SDE2: variants seen among roughly 807,000 people sequenced by gnomAD.
The protein encoded by SDE2 is splicing regulator SDE2.
SDE2 carries 31 observed loss-of-function variants against 46.9 expected under a neutral mutation model. The ratio of observed to expected loss-of-function variants is 0.66; its 90% CI spans 0.50 to 0.89. The LOEUF is 0.89. SDE2 is among the 40% of genes least tolerant of loss of function. The pLI, the probability that SDE2 is intolerant of heterozygous loss-of-function variation, is 0.00. For synonymous variants in SDE2, 205 were observed against 204.3 expected (o/e 1.00, Z -0.03); for missense variants, 542 against 564.4 (o/e 0.96, Z 0.40).
At chr1:225,986,736 T>G (rs1332990208) in intron 6 of SDE2, among the ~76,000 whole-genome samples, 1 of 152,228 alleles carries the variant, frequency 6.6e-6, no homozygotes, top group Non-Finnish European at 1.5e-5. Context: ...CTCTTACCTG[T>G]ATACACATAA....
Position 225,988,127 on chromosome 1 carries a change from CA to C in SDE2, c.902del (p.Leu301ArgfsTer30). On this transcript the variant is annotated frameshift_variant, in exon 6 of 7. Coordinates refer to ENST00000272091, the MANE Select transcript of SDE2 (RefSeq NM_152608.4). LOFTEE classifies it high-confidence loss of function. ...RHILEDSCAE[L>X]GESKEHMESR... ...TTTCCATGTGCTCTTTGGACTCCCCCAGCTCAGCACATGAGTCTTCTAAAAT... is the reference window on the plus strand; with the variant it reads ...TTTCCATGTGCTCTTTGGACTCCCCCGCTCAGCACATGAGTCTTCTAAAAT... 1 of 1,614,200 alleles carries C rather than the reference CA, an allele frequency of 6.2e-7. No homozygotes were observed. Among genetic ancestry groups the C allele is most frequent in the Non-Finnish European group, 8.5e-7 (1 of 1,180,026 alleles).
chr1:225,989,833 T>A (rs1656356907), intron 5 of SDE2, among the ~76,000 whole-genome samples: 1 of 151,994 alleles, frequency 6.6e-6, no homozygotes, highest in African/African-American at 2.4e-5. Context: ...CCCAGCACTT[T>A]GCGAGGCTGA....
intron 3 of SDE2, 110 bp from the exon 4 acceptor site, chr1:225,992,677 C>T: frequency 1.3e-6 from 1 of 773,542 alleles, no homozygotes; most frequent in South Asian, 1.7e-5. Context: ...GTGATATTCT[C>T]TTAGAAAGGT....
In SDE2 at chr1:225,999,181, C is replaced by G. The variant is rs375745106; in HGVS notation, c.120+12G>C. 2 of 1,607,600 alleles carry G rather than the reference C, an allele frequency of 1.2e-6. No homozygotes were observed. Among genetic ancestry groups the G allele is most frequent in the Admixed American group, 1.7e-5 (1 of 59,702 alleles). ...CCTCTTTCTCCTTCCTAACAGGAAC[C>G]GAAATCCTCACCTGATCTTGGCAGT... is the stretch of plus-strand genomic sequence containing the variant. On this transcript the variant is annotated intron_variant, in intron 1 of 6. Coordinates refer to ENST00000272091, the MANE Select transcript of SDE2 (RefSeq NM_152608.4).
Position 225,983,171 on chromosome 1 carries a change from T to C in SDE2, c.*2131A>G, listed in dbSNP as rs1656191125. 1 of 152,218 alleles carries C rather than the reference T, an allele frequency of 6.6e-6. No individual in the cohort carries two copies. Among genetic ancestry groups the C allele is most frequent in the Non-Finnish European group, 1.5e-5 (1 of 68,036 alleles). The allele number at this position is 152,218 out of a possible 1,614,324, so 9.4% of individuals were successfully genotyped here. A position where few individuals can be genotyped will look rare whatever the true frequency, so the allele number is the denominator to read the frequency against. Reference sequence around the variant, plus strand: ...TGTTGTTTAAAGAAACTACTTTAAATAGGCACAGAAGCACAAAGTAAATTA... The same window carrying C: ...TGTTGTTTAAAGAAACTACTTTAAACAGGCACAGAAGCACAAAGTAAATTA... On this transcript the variant is annotated 3_prime_UTR_variant, in exon 7 of 7. Coordinates refer to ENST00000272091, the MANE Select transcript of SDE2 (RefSeq NM_152608.4).
At position 225,988,384 on chromosome 1, in the gene SDE2, C is replaced by A. The variant is rs771492535; in HGVS notation, c.646G>T (p.Gly216Cys). 6 of 1,613,580 alleles carry A rather than the reference C, an allele frequency of 3.7e-6. No homozygotes were observed. Among genetic ancestry groups the A allele is most frequent in the Non-Finnish European group, 4.2e-6 (5 of 1,179,568 alleles). The change falls in exon 6 of 7, where the codon GGC becomes TGC. Residue 216 changes from glycine to cysteine, a missense_variant. Gly to Cys is a radical substitution (Grantham distance 159, BLOSUM62 -3). Coordinates refer to ENST00000272091, the MANE Select transcript of SDE2 (RefSeq NM_152608.4). ...SAGKRRCFWL[G>C]MEGLETAEGS... ...TCTGCAGTCTCTAGTCCCTCCATGC[C>A]CAACCTGTCAGAAGCAACAGAAAGG...
chr1:225,993,115 CTT>C (rs566799394), intron 2 of SDE2, 113 bp from the exon 3 acceptor site: 402 of 250,462 alleles, frequency 1.6e-3, no homozygotes, highest in South Asian at 3.5e-3. Flanking sequence ...TACTTTCTTT[CTT>C]TTTTTTTTTT....
intron 1 of SDE2, among the ~76,000 whole-genome samples, chr1:225,996,637 C>T (rs1365908745): frequency 1.3e-5 from 2 of 152,190 alleles, no homozygotes; most frequent in Non-Finnish European, 2.9e-5. Flanking sequence ...CTAAGGCTAT[C>T]AGAGATAAAC....
chr1:225,999,141 G>A, intron 1 of SDE2, 52 bp downstream of exon 1: 2 of 1,491,078 alleles, frequency 1.3e-6, no homozygotes, highest in Non-Finnish European at 9.3e-7. Context: ...CGCACCCAGC[G>A]CTGCCACCTG....
chr1:225,992,917 T>C lies in SDE2; in HGVS notation c.324A>G (p.Arg108=), dbSNP rs752069261. The part of the protein sequence containing the change: ...REACRDLSGR[R]LRDVNHEKAM... ...CTTTTTCATGATTGACATCGCGTAG[T>C]CTCCTTCCACTGAGATCCCGACAAG... Residue 108 remains arginine, a synonymous_variant, in exon 3 of 7, where the codon AGA becomes AGG. Transcript: ENST00000272091. 54 of 1,611,394 alleles carry C rather than the reference T, an allele frequency of 3.4e-5. No homozygotes were observed. The highest frequency in any genetic ancestry group is 4.6e-5 in the Non-Finnish European group (54 of 1,177,686).
chr1:225,988,399 C>G lies in SDE2; in HGVS notation c.642-11G>C, dbSNP rs776112849. 1.2e-6 allele frequency: 2 copies of G among 1,613,090 alleles called. No homozygotes were observed. The highest frequency in any genetic ancestry group is 1.7e-6 in the Non-Finnish European group (2 of 1,179,250). ...CCCTCCATGCCCAACCTGTCAGAAG[C>G]AACAGAAAGGTTTAACAGCGTTTGT... On this transcript the variant is annotated splice_polypyrimidine_tract_variant and intron_variant, in intron 5 of 6. Transcript: ENST00000272091.
intron 5 of SDE2, among the ~76,000 whole-genome samples, chr1:225,988,723 C>A (rs759485538): frequency 2.6e-5 from 4 of 151,828 alleles, no homozygotes; most frequent in Non-Finnish European, 5.9e-5. Flanking sequence ...AGTGAGACTC[C>A]GTCTCAAAAA....
intron 5 of SDE2, among the ~76,000 whole-genome samples, chr1:225,989,832 T>A (rs1442678398): frequency 6.6e-6 from 1 of 152,004 alleles, no homozygotes; most frequent in African/African-American, 2.4e-5. Context: ...TCCCAGCACT[T>A]TGCGAGGCTG....
rs769952112 is a variant in SDE2 at position 225,983,257 on chromosome 1, A to G, written c.*2045T>C. On this transcript the variant is annotated 3_prime_UTR_variant, in exon 7 of 7. Transcript: ENST00000272091. ...AGAAGGCTGCAGTGGCTATATTCAC[A>G]TAAGATAAAGTAGATTTCAAACCCA... 9.9e-5 allele frequency: 15 copies of G among 152,226 alleles called. No individual in the cohort carries two copies. The highest frequency in any genetic ancestry group is 1.9e-4 in the Non-Finnish European group (13 of 68,040). 9.4% of individuals were successfully genotyped at this position (152,226 alleles called of 1,614,324 possible).
intron 5 of SDE2, among the ~76,000 whole-genome samples, chr1:225,990,192 T>G (rs1275803034): frequency 1.3e-5 from 2 of 151,968 alleles, no homozygotes; most frequent in African/African-American, 2.4e-5. Context: ...TGTGGTACAT[T>G]CACACCATGA....
intron 5 of SDE2, among the ~76,000 whole-genome samples, chr1:225,988,927 C>T (rs1656330144): frequency 6.6e-6 from 1 of 152,182 alleles, no homozygotes; most frequent in Non-Finnish European, 1.5e-5. Flanking sequence ...TCCTGAATCT[C>T]TAAAAGCAAA....
At chr1:225,997,061 A>G (rs536655436) in intron 1 of SDE2, among the ~76,000 whole-genome samples, 1 of 152,236 alleles carries the variant, frequency 6.6e-6, no homozygotes, top group Non-Finnish European at 1.5e-5. Context: ...TTCTCAGTGA[A>G]TAAGAAAGCA....
At chr1:225,996,406 T>C (rs1656527250) in intron 1 of SDE2, among the ~76,000 whole-genome samples, 1 of 152,190 alleles carries the variant, frequency 6.6e-6, no homozygotes, top group Non-Finnish European at 1.5e-5. Flanking sequence ...GCAGAAAGTA[T>C]ACACCATGAA....
intron 5 of SDE2, among the ~76,000 whole-genome samples, 179 bp from the exon 6 acceptor site, chr1:225,988,567 A>G (rs1656323410): frequency 6.6e-6 from 1 of 152,122 alleles, no homozygotes; most frequent in Non-Finnish European, 1.5e-5. Flanking sequence ...CATCTCTACT[A>G]AAAATACAAA....
Sources: gnomAD v4.1 joint callset for allele counts (sites outside exome capture counted in the v4.1 genomes callset) on GRCh38, gnomAD v4.1.1 for gene constraint, MANE v1.5 for transcripts, NCBI Gene and HGNC (gene_info 2026-07-23, HGNC 2026-07-21) for gene names.